NDE1: variants seen among roughly 807,000 people sequenced by gnomAD.
The protein encoded by NDE1 is nuclear distribution protein nudE homolog 1.
A neutral mutation model predicts 43.4 loss-of-function variants in NDE1; 28 were observed. The observed-to-expected ratio is 0.65, with a 90% CI of 0.48 to 0.89. The LOEUF (loss-of-function observed/expected upper bound fraction) is 0.89. Among genes scored for constraint, NDE1 ranks in the 40% least tolerant of loss-of-function variants. The pLI is 0.00. For synonymous variants in NDE1, 184 were observed against 172.0 expected (o/e 1.07, Z -0.55); for missense variants, 441 against 434.1 (o/e 1.02, Z -0.14).
chr16:15,669,090 C>T (rs564131869), intron 3 of NDE1, among the ~76,000 whole-genome samples: 5 of 151,278 alleles, frequency 3.3e-5, no homozygotes, highest in African/African-American at 1.2e-4. Flanking sequence ...TTAGTAGAAA[C>T]GGGGTTTCAC....
intron 3 of NDE1, among the ~76,000 whole-genome samples, chr16:15,672,302 G>A (rs2037637301): frequency 6.6e-6 from 1 of 151,970 alleles, no homozygotes. Flanking sequence ...GCATGGTGGC[G>A]CACACCTGTA....
At position 15,724,480 on chromosome 16, in the gene NDE1, T is replaced by G; in HGVS notation, c.*229T>G. 6.2e-7 allele frequency: 1 copy of G among 1,609,496 alleles called. No individual in the cohort carries two copies. The highest frequency in any genetic ancestry group is 1.3e-5 in the African/African-American group (1 of 74,904). ...GGCCCCTGTCCCTGGCCCCACAGAC[T>G]CTGAGAAGCGAAGACCATGTCTCCT... is the stretch of plus-strand genomic sequence containing the variant. On this transcript the variant is annotated 3_prime_UTR_variant, in exon 9 of 9. Transcript: ENST00000396354.
At chr16:15,694,352 T>A (rs751854465) in intron 7 of NDE1, 96 bp downstream of exon 7, 3 of 1,550,524 alleles carry the variant, frequency 1.9e-6, no homozygotes, top group South Asian at 1.2e-5. Context: ...CTTCTTTTTT[T>A]CTTTTTTTTT....
At chr16:15,650,133 G>T (rs1425635294), upstream of NDE1, 1 of 155,520 alleles carries the variant, frequency 6.4e-6, no homozygotes, top group Non-Finnish European at 1.4e-5. Flanking sequence ...GCTGCTCTGC[G>T]CTGATTGGCC....
intron 4 of NDE1, among the ~76,000 whole-genome samples, chr16:15,681,805 C>G (rs896167536): frequency 7.9e-5 from 12 of 152,204 alleles, no homozygotes; most frequent in African/African-American, 2.9e-4. Flanking sequence ...CTCCACCCTC[C>G]CAGGTTCAAG....
At chr16:15,699,597 G>A (rs2039157129) in intron 8 of NDE1, 6 of 1,212,174 alleles carry the variant, frequency 4.9e-6, no homozygotes, top group Middle Eastern at 3.4e-4. Context: ...CATTTCACAG[G>A]AGAGAAAATT....
At chr16:15,711,496 G>A (rs1419856893) in intron 8 of NDE1, among the ~76,000 whole-genome samples, 1 of 152,126 alleles carries the variant, frequency 6.6e-6, no homozygotes, top group East Asian at 1.9e-4. Context: ...TAGAGGTGAT[G>A]CTGGTTTAAA....
intron 1 of NDE1, among the ~76,000 whole-genome samples, chr16:15,664,117 C>G (rs1452829671): frequency 6.6e-6 from 1 of 151,414 alleles, no homozygotes; most frequent in African/African-American, 2.4e-5. Context: ...ATTCCAGCCC[C>G]CACTCCCCCA....
intron 1 of NDE1, among the ~76,000 whole-genome samples, chr16:15,663,924 A>G (rs1488912558): frequency 1.3e-5 from 2 of 152,002 alleles, no homozygotes; most frequent in Non-Finnish European, 2.9e-5. Context: ...AAAATTAGCC[A>G]GGCGTGGTGG....
chr16:15,664,662 T>G, intron 1 of NDE1, 74 bp from the exon 2 acceptor site: 1 of 896,152 alleles, frequency 1.1e-6, no homozygotes, highest in South Asian at 1.4e-5. Context: ...GCCAAGTTTT[T>G]TTTTTTTTTT....
intron 4 of NDE1, among the ~76,000 whole-genome samples, chr16:15,686,203 C>T (rs1029573211): frequency 2.6e-5 from 4 of 151,962 alleles, no homozygotes; most frequent in African/African-American, 7.2e-5. Flanking sequence ...CCGCCCGCCT[C>T]GGCCTCCCAA....
chr16:15,672,512 G>T (rs2037647544), intron 3 of NDE1, among the ~76,000 whole-genome samples: 2 of 152,174 alleles, frequency 1.3e-5, no homozygotes, highest in African/African-American at 2.4e-5. Context: ...TCACCTAAGA[G>T]AAATATATTC....
At chr16:15,645,033 C>G (rs1055824812) in intron 1 of NDE1, among the ~76,000 whole-genome samples, 6 of 151,422 alleles carry the variant, frequency 4.0e-5, no homozygotes, top group Admixed American at 1.3e-4. Context: ...GATTCTCATG[C>G]CTCAGCCTCC....
intron 1 of NDE1, among the ~76,000 whole-genome samples, chr16:15,654,498 C>T (rs977135272): frequency 2.0e-5 from 3 of 148,442 alleles, no homozygotes; most frequent in East Asian, 2.0e-4. Context: ...GTACTAGGGA[C>T]GCTGAGGTAG....
chr16:15,714,334 GACATTTTTGGTTGTC>G (rs1450132204), intron 8 of NDE1: 1 of 164,714 alleles, frequency 6.1e-6, no homozygotes, highest in African/African-American at 2.4e-5. Flanking sequence ...AACATCTAGA[GACATTTTTGGTTGTC>G]ACATTGCAGG....
In NDE1 at chr16:15,719,402, T is replaced by C. The variant is rs545463577; in HGVS notation, c.948-4789T>C. The C allele has an allele frequency of 8.7e-6, 13 of 1,497,736 alleles. No homozygotes were observed. In the African/African-American group the frequency reaches 1.8e-4, roughly 21 times the overall value. 92.8% of individuals were successfully genotyped at this position (1,497,736 alleles called of 1,614,324 possible). ...CAACTCAGCCACCCTTGAAAGTACA[T>C]GTTCTTCCTCTGAGCTCAGGGGAGG... On this transcript the variant is annotated intron_variant, in intron 8 of 8. Coordinates refer to ENST00000396354, the MANE Select transcript of NDE1 (RefSeq NM_017668.3).
intron 8 of NDE1, chr16:15,717,475 C>T (rs1257899849): frequency 3.2e-6 from 3 of 931,424 alleles, no homozygotes; most frequent in African/African-American, 1.6e-5. Flanking sequence ...CCTGTCCTCT[C>T]CTTCATCCTG....
intron 7 of NDE1, chr16:15,694,855 C>T (rs1351436036): frequency 1.0e-6 from 1 of 985,162 alleles, no homozygotes; most frequent in Non-Finnish European, 1.2e-6. Flanking sequence ...TTTTCCTTAA[C>T]TCGAAAAATT....
intron 1 of NDE1, among the ~76,000 whole-genome samples, chr16:15,644,571 A>G (rs1167218897): frequency 6.6e-6 from 1 of 152,206 alleles, no homozygotes; most frequent in Non-Finnish European, 1.5e-5. Flanking sequence ...TGAGCCTACA[A>G]ATTTGAGACT....
Sources: gnomAD v4.1 joint callset for allele counts (sites outside exome capture counted in the v4.1 genomes callset) on GRCh38, gnomAD v4.1.1 for gene constraint, MANE v1.5 for transcripts, NCBI Gene and HGNC (gene_info 2026-07-23, HGNC 2026-07-21) for gene names.